Variants in SLC17A4 observed in about 807,000 individuals in gnomAD.
The protein encoded by SLC17A4 is solute carrier family 17 member 4.
In SLC17A4, 33 loss-of-function variants were observed where a neutral mutation model predicts 52.5. That is an observed-to-expected ratio of 0.63 (90% confidence interval 0.48 to 0.84). SLC17A4 has a LOEUF of 0.84. SLC17A4 is among the 40% of genes least tolerant of loss of function. The pLI, the probability that SLC17A4 is intolerant of heterozygous loss-of-function variation, is 0.00. For synonymous variants in SLC17A4, 225 were observed against 216.2 expected, an observed-to-expected ratio of 1.04 and a Z score of -0.36; for missense variants, 585 against 597.1, an observed-to-expected ratio of 0.98 and a Z score of 0.21.
At chr6:25,770,562 C>A in intron 5 of SLC17A4, 91 bp downstream of exon 5, 2 of 1,160,684 alleles carry the variant, frequency 1.7e-6, no homozygotes, top group Non-Finnish European at 1.3e-6. Context: ...ATATATCAAT[C>A]TCTGTGTCTT....
chr6:25,765,859 A>C (rs565554486), intron 2 of SLC17A4, among the ~76,000 whole-genome samples: 2 of 152,210 alleles, frequency 1.3e-5, no homozygotes, highest in African/African-American at 4.8e-5. Context: ...ATCATGAAAA[A>C]ATTGGATTAA....
intron 2 of SLC17A4, among the ~76,000 whole-genome samples, chr6:25,763,289 A>G (rs1761708705): frequency 6.6e-6 from 1 of 152,228 alleles, no homozygotes; most frequent in African/African-American, 2.4e-5. Context: ...TTCAAACAGC[A>G]TCATGCTACT....
chr6:25,767,131 CT>C (rs1344429062), intron 2 of SLC17A4, among the ~76,000 whole-genome samples: 1 of 151,880 alleles, frequency 6.6e-6, no homozygotes, highest in Non-Finnish European at 1.5e-5. Flanking sequence ...GGCTATGTAC[CT>C]AAAACATTTC....
intron 1 of SLC17A4, among the ~76,000 whole-genome samples, chr6:25,755,546 A>T (rs2151405716): frequency 7.2e-6 from 1 of 139,642 alleles, no homozygotes; most frequent in East Asian, 2.0e-4. Flanking sequence ...GAATCCAAAA[A>T]GAACAGACAC....
rs772488257 is a variant in SLC17A4 at position 25,771,037 on chromosome 6, A to G, written c.706+25A>G. On this transcript the variant is annotated intron_variant, in intron 6 of 11. Transcript: ENST00000377905. The stretch of plus-strand genomic sequence containing the variant: ...GGTGAGTGTGCTTTTCAAATCTCCA[A>G]TTTTTATGACAGAGACTTCTGTGAT... The G allele has an allele frequency of 1.5e-5, 23 of 1,577,138 alleles. No homozygotes were observed. The East Asian group carries it at 5.2e-4, about 35-fold the overall frequency.
Position 25,770,927 on chromosome 6 carries a change from G to A in SLC17A4, c.621G>A (p.Gly207=). ...RSQLTTIAGS[G]SMLGSFIVLL... ...AACATCCTCGCCTCTTCTGTTCAGGGTCAATGCTGGGGTCCTTCATTGTTC... is the reference window on the plus strand; with the variant it reads ...AACATCCTCGCCTCTTCTGTTCAGGATCAATGCTGGGGTCCTTCATTGTTC... Residue 207 remains glycine (G), a splice_region_variant and synonymous_variant, in exon 6 of 12, where the codon GGG becomes GGA. Transcript: ENST00000377905. The A allele has an allele frequency of 6.2e-7, 1 of 1,613,344 alleles. No homozygotes were observed. Among genetic ancestry groups the A allele is most frequent in the Non-Finnish European group, 8.5e-7 (1 of 1,179,342 alleles).
In SLC17A4 at chr6:25,759,425, C is replaced by T. The variant is rs145270318; in HGVS notation, c.-36-2502C>T. On this transcript the variant is annotated intron_variant, in intron 1 of 11. Coordinates refer to ENST00000377905, the MANE Select transcript of SLC17A4 (RefSeq NM_005495.3). ...GAAGTCCCCCACTATTATTATGTTGCTGTCTATCTCATTTCTTAGGTCTAG... is the reference window on the plus strand; with the variant it reads ...GAAGTCCCCCACTATTATTATGTTGTTGTCTATCTCATTTCTTAGGTCTAG... 2.3e-4 allele frequency among the ~76,000 whole-genome samples: 35 copies of T among 152,228 alleles called. No homozygotes were observed. The East Asian group carries it at 6.6e-3, about 29-fold the overall frequency.
At chr6:25,772,615 T>C (rs1161938231) in intron 6 of SLC17A4, among the ~76,000 whole-genome samples, 1 of 152,208 alleles carries the variant, frequency 6.6e-6, no homozygotes, top group Non-Finnish European at 1.5e-5. Flanking sequence ...TGAGGATTCA[T>C]TTCATTTCAT....
In SLC17A4 at chr6:25,777,910, C is replaced by G; in HGVS notation, c.1269-16C>G. On this transcript the variant is annotated splice_polypyrimidine_tract_variant and intron_variant, in intron 10 of 11. Coordinates refer to ENST00000377905, the MANE Select transcript of SLC17A4 (RefSeq NM_005495.3). ...GGTATACTTGGTTATAATAGAGTAC[C>G]ATCTCTCTCTCTCAGGTACACTGGC... 6.3e-7 allele frequency: 1 copy of G among 1,597,770 alleles called. No individual in the cohort carries two copies. Among genetic ancestry groups the G allele is most frequent in the South Asian group, 1.1e-5 (1 of 90,468 alleles).
At chr6:25,773,783 C>G in intron 8 of SLC17A4, 109 bp downstream of exon 8, 1 of 1,101,098 alleles carries the variant, frequency 9.1e-7, no homozygotes, top group East Asian at 2.5e-5. Flanking sequence ...GGGATTAGGA[C>G]CAGGCAGGAC....
Position 25,769,076 on chromosome 6 carries a change from C to G in SLC17A4, c.183C>G (p.Ile61Met), listed in dbSNP as rs150174992. 19 of 1,613,978 alleles carry G rather than the reference C, an allele frequency of 1.2e-5. No homozygotes were observed. The Admixed American group carries it at 2.8e-4, about 24-fold the overall frequency. The part of the protein sequence containing the change: ...YTQQMNLSIA[I>M]PAMVNNTAPP... ...AACAAATGAACTTGAGCATTGCCAT[C>G]CCAGCTATGGTGAACAACACAGCCC... is the stretch of plus-strand genomic sequence containing the variant. The change falls in exon 3 of 12, where the codon ATC becomes ATG. Residue 61 changes from isoleucine to methionine, a missense_variant. Physicochemically the swap from Ile to Met is conservative, Grantham distance 10. Transcript: ENST00000377905.
intron 1 of SLC17A4, among the ~76,000 whole-genome samples, chr6:25,756,177 G>A (rs1467989829): frequency 2.6e-5 from 4 of 152,102 alleles, no homozygotes; most frequent in Non-Finnish European, 4.4e-5. Context: ...CATTTTGGGA[G>A]ATCGAGACCA....
At chr6:25,776,003 G>T (rs1448391509) in intron 8 of SLC17A4, among the ~76,000 whole-genome samples, 1 of 152,078 alleles carries the variant, frequency 6.6e-6, no homozygotes, top group Non-Finnish European at 1.5e-5. Flanking sequence ...GCAACCCTCT[G>T]TGGAGTAAAT....
At chr6:25,766,985 A>G (rs1762076455) in intron 2 of SLC17A4, among the ~76,000 whole-genome samples, 2 of 152,172 alleles carry the variant, frequency 1.3e-5, no homozygotes, top group Non-Finnish European at 2.9e-5. Context: ...TTAATAATAT[A>G]TCACTGCAGG....
intron 1 of SLC17A4, among the ~76,000 whole-genome samples, 185 bp downstream of exon 1, chr6:25,754,966 G>T (rs1209431687): frequency 6.6e-6 from 1 of 151,042 alleles, no homozygotes; most frequent in East Asian, 1.9e-4. Context: ...TAAGAGCCCT[G>T]GAACTACAGG....
intron 2 of SLC17A4, among the ~76,000 whole-genome samples, chr6:25,765,546 A>G (rs573452988): frequency 1.4e-4 from 21 of 152,354 alleles, no homozygotes; most frequent in African/African-American, 5.1e-4. Flanking sequence ...AAAGTTCTCA[A>G]TAATGACAAT....
chr6:25,767,424 G>T (rs1227538309), intron 2 of SLC17A4, among the ~76,000 whole-genome samples: 2 of 152,038 alleles, frequency 1.3e-5, no homozygotes, highest in Non-Finnish European at 2.9e-5. Flanking sequence ...GTGCCTTGAG[G>T]TAGACTCTGT....
intron 1 of SLC17A4, 67 bp from the exon 2 acceptor site, chr6:25,761,860 A>G (rs999302857): frequency 7.8e-6 from 7 of 895,020 alleles, no homozygotes; most frequent in Non-Finnish European, 1.0e-5. Flanking sequence ...CCTAGTTCTT[A>G]GAAAGAATTG....
chr6:25,775,938 T>G lies in SLC17A4; in HGVS notation c.988-657T>G, dbSNP rs146930262. ...CTTGCTGAGCAGTATTTGGATTGTT[T>G]CCCATCTTTGAGCAATGCTGCAGTG... On this transcript the variant is annotated intron_variant, in intron 8 of 11. Transcript: ENST00000377905. 1.8e-3 allele frequency among the ~76,000 whole-genome samples: 267 copies of G among 152,308 alleles called. 1 individual carries two copies. Among genetic ancestry groups the G allele is most frequent in the African/African-American group, 5.9e-3 (247 of 41,574 alleles).
Sources: allele counts gnomAD v4.1 joint callset (sites outside exome capture counted in the v4.1 genomes callset), GRCh38; gene constraint gnomAD v4.1.1; transcripts MANE v1.5; gene names NCBI Gene and HGNC (gene_info 2026-07-23, HGNC 2026-07-21).